EPHA3: variants seen among roughly 807,000 people sequenced by gnomAD.
The protein encoded by EPHA3 is ephrin type-A receptor 3.
In EPHA3, 42 loss-of-function variants were observed where a neutral mutation model predicts 107.1. The ratio of observed to expected loss-of-function variants is 0.39; its 90% confidence interval spans 0.31 to 0.51. The LOEUF is 0.51. EPHA3 is among the 20% of genes least tolerant of loss of function. EPHA3 has a pLI of 0.78. For synonymous variants in EPHA3, 461 were observed against 424.8 expected, an observed-to-expected ratio of 1.09 and a Z score of -1.05; for missense variants, 1,183 against 1,211.2, an observed-to-expected ratio of 0.98 and a Z score of 0.35.
chr3:89,198,949 T>C (rs1705906717), intron 2 of EPHA3, among the ~76,000 whole-genome samples: 1 of 152,174 alleles, frequency 6.6e-6, no homozygotes, highest in African/African-American at 2.4e-5. Context: ...GTGCATGGAA[T>C]TTTCCTCATT....
At chr3:89,469,090 TGAGA>T in intron 15 of EPHA3, among the ~76,000 whole-genome samples, 1 of 152,270 alleles carries the variant, frequency 6.6e-6, no homozygotes, top group Non-Finnish European at 1.5e-5. Context: ...AGATAATCTC[TGAGA>T]GTTAGTAAAA....
At position 89,352,278 on chromosome 3, in the gene EPHA3, A is replaced by G. The variant is rs541267768; in HGVS notation, c.1306+10188A>G. ...TCCTTTCTTCTGGCTGAAAATTGCC[A>G]TCCATTACATGAAGGGATTAAACTG... is the stretch of plus-strand genomic sequence containing the variant. On this transcript the variant is annotated intron_variant, in intron 5 of 16. Transcript: ENST00000336596. Among the ~76,000 whole-genome samples, 77 of 151,390 alleles carry G rather than the reference A, an allele frequency of 5.1e-4. 1 individual carries two copies. Among genetic ancestry groups the G allele is most frequent in the African/African-American group, 1.8e-3 (73 of 41,476 alleles).
chr3:89,384,260 T>C (rs1708569469), intron 5 of EPHA3, among the ~76,000 whole-genome samples: 2 of 152,106 alleles, frequency 1.3e-5, no homozygotes, highest in Non-Finnish European at 2.9e-5. Context: ...GCAGAAGATA[T>C]TGCCTAAAGC....
intron 5 of EPHA3, among the ~76,000 whole-genome samples, chr3:89,347,822 G>A (rs1335017711): frequency 1.3e-5 from 2 of 150,978 alleles, no homozygotes; most frequent in Non-Finnish European, 3.0e-5. Context: ...TTTTTAGCAT[G>A]AAGAGTTGTT....
At chr3:89,274,544 A>G (rs1441367172) in intron 3 of EPHA3, among the ~76,000 whole-genome samples, 2 of 151,986 alleles carry the variant, frequency 1.3e-5, no homozygotes, top group African/African-American at 4.8e-5. Flanking sequence ...TAATACCCTC[A>G]TCTGAAAGCC....
At chr3:89,270,352 C>A (rs1379155128) in intron 3 of EPHA3, among the ~76,000 whole-genome samples, 6 of 151,988 alleles carry the variant, frequency 3.9e-5, no homozygotes, top group Admixed American at 2.0e-4. Flanking sequence ...CCCTTTCCAG[C>A]CTCCTTCTGC....
intron 1 of EPHA3, among the ~76,000 whole-genome samples, chr3:89,118,221 T>A (rs2106954004): frequency 6.6e-6 from 1 of 152,148 alleles, no homozygotes; most frequent in South Asian, 2.1e-4. Flanking sequence ...GTCCTTGTTC[T>A]CTGAAAAAGA....
intron 3 of EPHA3, among the ~76,000 whole-genome samples, chr3:89,316,508 A>G (rs1197088247): frequency 0.036 from 2,239 of 62,632 alleles, 60 homozygotes; most frequent in African/African-American, 0.18. Context: ...TGTGTGTAAT[A>G]TATATATATA....
chr3:89,169,097 A>T (rs1453083211), intron 2 of EPHA3, among the ~76,000 whole-genome samples: 2 of 152,216 alleles, frequency 1.3e-5, no homozygotes, highest in African/African-American at 2.4e-5. Context: ...GTTTTGGTAT[A>T]AAAGCATCAG....
intron 3 of EPHA3, among the ~76,000 whole-genome samples, chr3:89,316,374 G>A (rs989024924): frequency 2.6e-5 from 4 of 151,142 alleles, no homozygotes; most frequent in African/African-American, 9.7e-5. Flanking sequence ...AATCAGTGGG[G>A]CATCACTGCG....
chr3:89,418,101 G>A (rs1370965589), intron 10 of EPHA3, among the ~76,000 whole-genome samples: 1 of 151,338 alleles, frequency 6.6e-6, no homozygotes, highest in Admixed American at 6.6e-5. Flanking sequence ...GACACGTAGG[G>A]CATGAAGCTC....
chr3:89,331,520 A>G (rs1383289374), intron 3 of EPHA3, among the ~76,000 whole-genome samples: 1 of 152,116 alleles, frequency 6.6e-6, no homozygotes, highest in Non-Finnish European at 1.5e-5. Flanking sequence ...CTAATTTGCC[A>G]ATTTTATAAA....
intron 2 of EPHA3, among the ~76,000 whole-genome samples, chr3:89,193,240 T>C (rs1424942145): frequency 6.6e-6 from 1 of 152,078 alleles, no homozygotes; most frequent in Admixed American, 6.5e-5. Flanking sequence ...AAGATCTTTG[T>C]AGCTTAAGTA....
chr3:89,193,644 G>A (rs1420331235), intron 2 of EPHA3, among the ~76,000 whole-genome samples: 1 of 151,890 alleles, frequency 6.6e-6, no homozygotes, highest in East Asian at 1.9e-4. Context: ...TCATTACCCT[G>A]ATCTGTTCAC....
At chr3:89,248,967 G>T (rs1293130455) in intron 3 of EPHA3, among the ~76,000 whole-genome samples, 1 of 152,268 alleles carries the variant, frequency 6.6e-6, no homozygotes, top group East Asian at 1.9e-4. Context: ...CTATGTGTCA[G>T]TCCTCATGTG....
At chr3:89,122,762 GC>G (rs1707417956) in intron 1 of EPHA3, among the ~76,000 whole-genome samples, 1 of 152,052 alleles carries the variant, frequency 6.6e-6, no homozygotes, top group Non-Finnish European at 1.5e-5. Context: ...TTTTTAATCC[GC>G]CCTCACTAAC....
intron 2 of EPHA3, among the ~76,000 whole-genome samples, chr3:89,186,802 A>G (rs1017905273): frequency 2.6e-5 from 4 of 152,126 alleles, no homozygotes; most frequent in Non-Finnish European, 5.9e-5. Context: ...AGGAAATTCC[A>G]TTATGTAGAA....
At chr3:89,459,923 C>T (rs1223886760) in intron 15 of EPHA3, among the ~76,000 whole-genome samples, 1 of 152,128 alleles carries the variant, frequency 6.6e-6, no homozygotes, top group East Asian at 1.9e-4. Flanking sequence ...CTTCCCAACA[C>T]ATTGTTTTGT....
intron 3 of EPHA3, among the ~76,000 whole-genome samples, chr3:89,234,236 T>G (rs1704699933): frequency 1.3e-5 from 2 of 152,204 alleles, no homozygotes; most frequent in African/African-American, 4.8e-5. Flanking sequence ...AATTGCATTA[T>G]TGAAGTAATT....
Sources: allele counts gnomAD v4.1 joint callset (sites outside exome capture counted in the v4.1 genomes callset), GRCh38; gene constraint gnomAD v4.1.1; transcripts MANE v1.5; gene names NCBI Gene and HGNC (gene_info 2026-07-23, HGNC 2026-07-21).